Variants in KIAA1328 observed in about 807,000 individuals in gnomAD.
KIAA1328 encodes the protein KIAA1328.
A neutral mutation model predicts 68.1 loss-of-function variants in KIAA1328; 52 were observed. The ratio of observed to expected loss-of-function variants is 0.76; its 90% CI spans 0.61 to 0.96. KIAA1328 has a LOEUF of 0.96. KIAA1328 is among the 40% of genes least tolerant of loss of function. KIAA1328 has a pLI of 0.00. For synonymous variants in KIAA1328, 232 were observed against 239.4 expected (o/e 0.97, Z 0.28); for missense variants, 641 against 677.6 (o/e 0.95, Z 0.60).
At position 37,036,878 on chromosome 18, in the gene KIAA1328, A is replaced by T. The variant is rs1049216997; in HGVS notation, c.577-30012A>T. The stretch of plus-strand genomic sequence containing the variant: ...TTTTGTGCTTTTCAAGCTGTTGCAA[A>T]TAACAAAATAGCTTGATCATCCTAA... On this transcript the variant is annotated intron_variant, in intron 6 of 9. Transcript: ENST00000280020. Among the ~76,000 whole-genome samples, 116 of 152,206 alleles carry T rather than the reference A, an allele frequency of 7.6e-4. 9 individuals carry two copies. The highest frequency in any genetic ancestry group is 2.9e-5 in the Non-Finnish European group (2 of 68,036).
chr18:37,050,609 C>G (rs1165212399), intron 6 of KIAA1328, among the ~76,000 whole-genome samples: 1 of 152,224 alleles, frequency 6.6e-6, no homozygotes, highest in Non-Finnish European at 1.5e-5. Context: ...ATGGCTGTCC[C>G]TTTTAAATCC....
intron 3 of KIAA1328, among the ~76,000 whole-genome samples, chr18:36,841,785 C>T (rs1429198868): frequency 6.6e-6 from 1 of 152,192 alleles, no homozygotes; most frequent in Non-Finnish European, 1.5e-5. Context: ...CCATGGTTTA[C>T]CAAGCCCTGT....
intron 4 of KIAA1328, among the ~76,000 whole-genome samples, chr18:36,847,684 G>A (rs1189506378): frequency 6.6e-6 from 1 of 151,350 alleles, no homozygotes; most frequent in African/African-American, 2.4e-5. Flanking sequence ...TTCTCAGTCT[G>A]CAGCTTCCTT....
At chr18:36,943,698 T>C (rs1218604207) in intron 5 of KIAA1328, among the ~76,000 whole-genome samples, 1 of 152,200 alleles carries the variant, frequency 6.6e-6, no homozygotes, top group African/African-American at 2.4e-5. Flanking sequence ...TTGATGCCAG[T>C]TGGAGAAAAA....
intron 6 of KIAA1328, among the ~76,000 whole-genome samples, chr18:37,043,936 G>A (rs959045096): frequency 2.0e-5 from 3 of 152,116 alleles, no homozygotes; most frequent in Non-Finnish European, 4.4e-5. Context: ...GGTAACTTAA[G>A]TATTTCTAAA....
chr18:36,893,463 TTTTG>T (rs2048764632), intron 5 of KIAA1328, among the ~76,000 whole-genome samples: 1 of 92,496 alleles, frequency 1.1e-5, no homozygotes, highest in African/African-American at 3.8e-5. Context: ...GTGTGTGTGT[TTTTG>T]TGTGTGTGTG....
chr18:37,222,223 T>C lies in KIAA1328; in HGVS notation c.1730T>C (p.Ile577Thr), dbSNP rs902618430. The C allele has an allele frequency of 6.4e-7, 1 of 1,558,122 alleles. No individual in the cohort carries two copies. Among genetic ancestry groups the C allele is most frequent in the Non-Finnish European group, 8.7e-7 (1 of 1,150,314 alleles). The part of the protein sequence containing the change: ...ENQILEDIFF[I>T] ...CAGATTCTGGAAGATATATTTTTCATTTGACATATTGCAAAATTTTCTTAG... is the reference window on the plus strand; with the variant it reads ...CAGATTCTGGAAGATATATTTTTCACTTGACATATTGCAAAATTTTCTTAG... The change falls in exon 10 of 10, where the codon ATT (isoleucine) becomes ACT (threonine). Residue 577 changes from isoleucine (I) to threonine (T), a missense_variant. Coordinates refer to ENST00000280020, the MANE Select transcript of KIAA1328 (RefSeq NM_020776.3).
intron 5 of KIAA1328, among the ~76,000 whole-genome samples, chr18:36,956,786 G>A (rs1266590520): frequency 1.3e-5 from 2 of 152,064 alleles, no homozygotes; most frequent in South Asian, 2.1e-4. Context: ...ACTGCCTGTG[G>A]TAACAGCGAG....
chr18:37,135,602 A>G (rs533878006), intron 7 of KIAA1328, among the ~76,000 whole-genome samples: 2 of 152,048 alleles, frequency 1.3e-5, no homozygotes, highest in Non-Finnish European at 1.5e-5. Flanking sequence ...TGTCAGATGT[A>G]TAGTTTGTGA....
At chr18:37,219,949 C>A (rs115219513) in intron 9 of KIAA1328, among the ~76,000 whole-genome samples, 3,456 of 152,324 alleles carry the variant, frequency 0.023, 127 homozygotes, top group African/African-American at 0.079. Flanking sequence ...TGTTCCTATT[C>A]AGCCATCTTG....
intron 6 of KIAA1328, among the ~76,000 whole-genome samples, chr18:36,987,454 G>T (rs1481652882): frequency 7.0e-6 from 1 of 143,614 alleles, no homozygotes; most frequent in Non-Finnish European, 1.5e-5. Flanking sequence ...CCTGCACATT[G>T]TGCACATGTA....
At chr18:37,211,971 C>G (rs1389539143) in intron 9 of KIAA1328, among the ~76,000 whole-genome samples, 1 of 152,188 alleles carries the variant, frequency 6.6e-6, no homozygotes, top group Admixed American at 6.5e-5. Flanking sequence ...TTTTCTCACT[C>G]AGAGTATCCC....
chr18:36,930,368 A>C (rs62083211), intron 5 of KIAA1328, among the ~76,000 whole-genome samples: 13,932 of 152,142 alleles, frequency 0.092, 796 homozygotes, highest in Non-Finnish European at 0.12. Flanking sequence ...GGGTCCAAAA[A>C]TGTTACCAGT....
chr18:37,005,611 A>G (rs1598950958), intron 6 of KIAA1328, among the ~76,000 whole-genome samples: 1 of 152,156 alleles, frequency 6.6e-6, no homozygotes, highest in East Asian at 1.9e-4. Flanking sequence ...GTCTGTATTC[A>G]AAGGAAAAGA....
chr18:36,944,139 G>A (rs1223886311), intron 5 of KIAA1328, among the ~76,000 whole-genome samples: 1 of 152,172 alleles, frequency 6.6e-6, no homozygotes, highest in Non-Finnish European at 1.5e-5. Context: ...TACCAAATAT[G>A]TGTGCATACT....
intron 5 of KIAA1328, among the ~76,000 whole-genome samples, chr18:36,937,400 A>G (rs899366741): frequency 6.6e-6 from 1 of 152,244 alleles, no homozygotes; most frequent in Non-Finnish European, 1.5e-5. Flanking sequence ...CAGCAAAGGA[A>G]CTACCATCAG....
intron 7 of KIAA1328, among the ~76,000 whole-genome samples, chr18:37,154,683 C>T (rs990408565): frequency 1.3e-5 from 2 of 152,206 alleles, no homozygotes. Context: ...CTTGCTATCA[C>T]CCACCATGGT....
chr18:37,150,575 A>G lies in KIAA1328; in HGVS notation c.1233-9625A>G, dbSNP rs946975708. 6.2e-5 allele frequency among the ~76,000 whole-genome samples: 9 copies of G among 145,616 alleles called. 1 individual carries two copies. The highest frequency in any genetic ancestry group is 4.7e-4 in the East Asian group (2 of 4,282). On this transcript the variant is annotated intron_variant, in intron 7 of 9. Transcript: ENST00000280020. The stretch of plus-strand genomic sequence containing the variant: ...CATAAATTCATGGACACAAATGCAG[A>G]AAAAAAAAAACCCCACAAAAAAATC...
intron 9 of KIAA1328, among the ~76,000 whole-genome samples, chr18:37,204,408 A>AATTTG (rs1407864569): frequency 3.3e-4 from 50 of 152,346 alleles, no homozygotes; most frequent in African/African-American, 9.4e-4. Context: ...TTTATAAGTC[A>AATTTG]ATTTGGTATC....
Sources: allele counts gnomAD v4.1 joint callset (sites outside exome capture counted in the v4.1 genomes callset), GRCh38; gene constraint gnomAD v4.1.1; transcripts MANE v1.5; gene names NCBI Gene and HGNC (gene_info 2026-07-23, HGNC 2026-07-21).